CHN2: variants seen among roughly 807,000 people sequenced by gnomAD.
The protein encoded by CHN2 is beta-chimaerin.
Under a neutral mutation model 56.3 loss-of-function variants are expected in CHN2, and 35 were observed. The observed-to-expected ratio is 0.62, with a 90% CI of 0.47 to 0.82. The LOEUF (loss-of-function observed/expected upper bound fraction) is 0.82, where lower values mean the gene tolerates loss of function less well. Among genes scored for constraint, CHN2 ranks in the 40% least tolerant of loss-of-function variants. The pLI is 0.00. For synonymous variants in CHN2, 210 were observed against 212.8 expected, an observed-to-expected ratio of 0.99 and a Z score of 0.12; for missense variants, 491 against 580.5, an observed-to-expected ratio of 0.85 and a Z score of 1.58.
intron 6 of CHN2, among the ~76,000 whole-genome samples, chr7:29,423,351 G>T (rs1804535459): frequency 1.3e-5 from 2 of 152,218 alleles, no homozygotes; most frequent in African/African-American, 4.8e-5. Context: ...AGGAAGCTGT[G>T]TTGTCCAAAG....
At chr7:29,169,427 A>G (rs979625747) in intron 2 of CHN2, among the ~76,000 whole-genome samples, 1 of 152,132 alleles carries the variant, frequency 6.6e-6, no homozygotes, top group African/African-American at 2.4e-5. Flanking sequence ...AAAACTTACC[A>G]TTAGTGATTT....
chr7:29,191,113 T>A (rs1431399831), upstream of CHN2, among the ~76,000 whole-genome samples: 1 of 152,038 alleles, frequency 6.6e-6, no homozygotes, highest in African/African-American at 2.4e-5. Flanking sequence ...ATTTTTTATG[T>A]TTTTAGAGAT....
At chr7:29,511,807 G>T (rs1558633) in intron 12 of CHN2, among the ~76,000 whole-genome samples, 147,011 of 152,168 alleles carry the variant, frequency 0.97, 71,030 homozygotes, top group East Asian at 1. Context: ...AAAACTTAAA[G>T]TTGTGAAAAC....
At chr7:29,370,013 C>T (rs1799481108) in intron 3 of CHN2, among the ~76,000 whole-genome samples, 1 of 152,184 alleles carries the variant, frequency 6.6e-6, no homozygotes, top group African/African-American at 2.4e-5. Flanking sequence ...TCCCTTTCCT[C>T]AGCAGGCAGC....
Position 29,367,997 on chromosome 7 carries a change from C to A in CHN2, c.144+10C>A. 1 of 1,606,254 alleles carries A rather than the reference C, an allele frequency of 6.2e-7. No homozygotes were observed. Among genetic ancestry groups the A allele is most frequent in the Non-Finnish European group, 8.5e-7 (1 of 1,176,152 alleles). ...CATTTGTCCTCGGGAGGTCAGTGCT[C>A]AGCTATTTCCAATACACCTTGTTAA... On this transcript the variant is annotated intron_variant, in intron 3 of 12. Coordinates refer to ENST00000222792, the MANE Select transcript of CHN2 (RefSeq NM_004067.4).
chr7:29,344,407 G>A (rs1797269509), intron 1 of CHN2, among the ~76,000 whole-genome samples: 1 of 152,114 alleles, frequency 6.6e-6, no homozygotes, highest in African/African-American at 2.4e-5. Context: ...TTAATTATCT[G>A]GCCCCTACTT....
chr7:29,485,982 C>G (rs1053707092), intron 7 of CHN2, among the ~76,000 whole-genome samples: 1 of 152,002 alleles, frequency 6.6e-6, no homozygotes, highest in Non-Finnish European at 1.5e-5. Flanking sequence ...AAAGTTCTAA[C>G]CCCCCTCACT....
chr7:29,356,556 TTTG>T (rs572663722), intron 2 of CHN2, among the ~76,000 whole-genome samples: 94 of 152,332 alleles, frequency 6.2e-4, no homozygotes, highest in African/African-American at 2.0e-3. Flanking sequence ...GTTAGGCATT[TTTG>T]TTGTTGTTGT....
intron 2 of CHN2, among the ~76,000 whole-genome samples, chr7:29,178,944 C>T (rs1797718474): frequency 6.6e-6 from 1 of 152,178 alleles, no homozygotes; most frequent in Admixed American, 6.5e-5. Flanking sequence ...ATTTAAGGGA[C>T]ATTATAGTCC....
intron 2 of CHN2, among the ~76,000 whole-genome samples, chr7:29,176,175 G>C (rs1037119586): frequency 1.3e-5 from 2 of 149,590 alleles, no homozygotes; most frequent in Non-Finnish European, 3.0e-5. Flanking sequence ...GACAGAGCAA[G>C]ACTCCGTCTC....
At chr7:29,353,907 A>G (rs1330818586) in intron 1 of CHN2, among the ~76,000 whole-genome samples, 2 of 152,228 alleles carry the variant, frequency 1.3e-5, no homozygotes, top group East Asian at 1.9e-4. Context: ...ATCAGAATTT[A>G]TAAATTCAGC....
chr7:29,478,920 A>G (rs1021795914), intron 6 of CHN2, among the ~76,000 whole-genome samples: 3 of 152,186 alleles, frequency 2.0e-5, no homozygotes, highest in African/African-American at 7.2e-5. Flanking sequence ...AGAATTACAC[A>G]TGGGAAGGAG....
chr7:29,218,206 CT>C (rs1214512635), intron 1 of CHN2, among the ~76,000 whole-genome samples: 6 of 151,848 alleles, frequency 4.0e-5, no homozygotes, highest in African/African-American at 7.3e-5. Flanking sequence ...CTTCCACCCC[CT>C]CACTCGCCAG....
intron 1 of CHN2, among the ~76,000 whole-genome samples, chr7:29,321,258 T>G (rs1270342400): frequency 6.6e-6 from 1 of 152,210 alleles, no homozygotes; most frequent in Non-Finnish European, 1.5e-5. Context: ...AGAATAGATT[T>G]GTTTCAGCCA....
chr7:29,421,646 C>G (rs1163443921), intron 6 of CHN2, among the ~76,000 whole-genome samples: 3 of 152,126 alleles, frequency 2.0e-5, no homozygotes, highest in African/African-American at 2.4e-5. Context: ...AGAAGGTGAG[C>G]TGAAAATTAA....
At chr7:29,236,021 TC>T (rs1293976503) in intron 1 of CHN2, among the ~76,000 whole-genome samples, 15 of 152,260 alleles carry the variant, frequency 9.9e-5, no homozygotes, top group African/African-American at 3.6e-4. Context: ...TGTGCATGTA[TC>T]CCCTGAACCT....
At chr7:29,381,664 C>G (rs1386198287) in intron 3 of CHN2, among the ~76,000 whole-genome samples, 1 of 151,976 alleles carries the variant, frequency 6.6e-6, no homozygotes, top group Non-Finnish European at 1.5e-5. Context: ...TCATAGTTCT[C>G]AGTCCTGGGT....
At chr7:29,320,681 G>A (rs1350209938) in intron 1 of CHN2, among the ~76,000 whole-genome samples, 4 of 151,896 alleles carry the variant, frequency 2.6e-5, no homozygotes, top group South Asian at 2.1e-4. Context: ...AAACTGTCTC[G>A]TCACCCACAC....
intron 6 of CHN2, among the ~76,000 whole-genome samples, chr7:29,432,055 C>A (rs961684802): frequency 1.3e-5 from 2 of 152,190 alleles, no homozygotes; most frequent in African/African-American, 4.8e-5. Context: ...TTGGGACTCA[C>A]AGCTGAGTGG....
Sources: allele counts gnomAD v4.1 joint callset (sites outside exome capture counted in the v4.1 genomes callset), GRCh38; gene constraint gnomAD v4.1.1; transcripts MANE v1.5; gene names NCBI Gene and HGNC (gene_info 2026-07-23, HGNC 2026-07-21).